HHIPL1: variants seen among roughly 807,000 people sequenced by gnomAD.
HHIPL1 encodes the protein HHIP-like protein 1.
A neutral mutation model predicts 61.8 loss-of-function variants in HHIPL1; 43 were observed. That is an observed-to-expected ratio of 0.70 (90% CI 0.55 to 0.90). The LOEUF (loss-of-function observed/expected upper bound fraction) is 0.90, where lower values mean the gene tolerates loss of function less well. Ranked by LOEUF, HHIPL1 falls within the 40% of genes least tolerant of loss-of-function variation. HHIPL1 has a pLI of 0.00. For synonymous variants in HHIPL1, 482 were observed against 515.8 expected (o/e 0.93, Z 0.89); for missense variants, 1,056 against 1,157.7 (o/e 0.91, Z 1.28).
At chr14:99,638,268 G>A in the HHIPL1 span, among the ~76,000 whole-genome samples, 9 of 152,198 alleles carry the variant, frequency 5.9e-5, no homozygotes, top group African/African-American at 1.7e-4. Flanking sequence ...TAAGAGTGGC[G>A]GAGGAGGCCT....
chr14:99,658,993 CCA>C lies in HHIPL1; in HGVS notation c.1047-432_1047-431del, dbSNP rs143136113. On this transcript the variant is annotated intron_variant, in intron 3 of 8. Transcript: ENST00000330710. ...TATTACAGTTGAGGACACCAAGATTCCACAGAGTGTGTGGTAAAGAGCTTGAG... is the reference window on the plus strand; with the variant it reads ...TATTACAGTTGAGGACACCAAGATTCCAGAGTGTGTGGTAAAGAGCTTGAG... 4.7e-3 allele frequency among the ~76,000 whole-genome samples: 717 copies of C among 152,292 alleles called. 5 individuals carry two copies. The highest frequency in any genetic ancestry group is 7.5e-3 in the Non-Finnish European group (509 of 68,034).
At chr14:99,606,609 C>T in the HHIPL1 span, among the ~76,000 whole-genome samples, 1 of 152,214 alleles carries the variant, frequency 6.6e-6, no homozygotes, top group Non-Finnish European at 1.5e-5. Context: ...TGGCAGCTTC[C>T]GCTGAACTTC....
chr14:99,669,843 C>T (rs2056306457), intron 7 of HHIPL1, among the ~76,000 whole-genome samples: 2 of 152,130 alleles, frequency 1.3e-5, no homozygotes, highest in Admixed American at 6.5e-5. Context: ...GAGGATCACT[C>T]GAACTCAGGA....
rs553013920 is a variant in HHIPL1 at position 99,667,588 on chromosome 14, A to T, written c.1649-634A>T. ...CAGGGGGCCAAGCAGAGGGGCTAGG[A>T]CCTACACTCCCAGCCATGTACTCTG... On this transcript the variant is annotated intron_variant, in intron 6 of 8. Transcript: ENST00000330710. Among the ~76,000 whole-genome samples the T allele has an allele frequency of 2.9e-3, 439 of 152,060 alleles. 4 individuals carry two copies. Among genetic ancestry groups the T allele is most frequent in the Non-Finnish European group, 3.3e-3 (225 of 67,954 alleles).
At chr14:99,631,906 C>G in the HHIPL1 span, among the ~76,000 whole-genome samples, 372 of 152,304 alleles carry the variant, frequency 2.4e-3, 2 homozygotes, top group African/African-American at 8.7e-3. Flanking sequence ...GGCTCTAAGC[C>G]CATGCCCCAG....
chr14:99,653,792 G>T (rs911479063), intron 2 of HHIPL1, among the ~76,000 whole-genome samples: 1 of 152,204 alleles, frequency 6.6e-6, no homozygotes, highest in South Asian at 2.1e-4. Context: ...GACCTTGCAC[G>T]TGGGGCACAT....
At chr14:99,617,221 A>G in the HHIPL1 span, among the ~76,000 whole-genome samples, 3 of 152,228 alleles carry the variant, frequency 2.0e-5, no homozygotes, top group Admixed American at 6.5e-5. Context: ...AAAACTGTAC[A>G]AGAAACCGTC....
the HHIPL1 span, among the ~76,000 whole-genome samples, chr14:99,608,529 T>G: frequency 2.6e-5 from 4 of 152,154 alleles, no homozygotes; most frequent in African/African-American, 7.2e-5. Context: ...ACCCAAGGAC[T>G]CTGGTATGGC....
At chr14:99,643,594 C>T (rs1253444903), upstream of HHIPL1, among the ~76,000 whole-genome samples, 5 of 152,146 alleles carry the variant, frequency 3.3e-5, no homozygotes, top group Non-Finnish European at 5.9e-5. Context: ...GTGACTATCA[C>T]CCAGTTCTGA....
At position 99,675,703 on chromosome 14, in the gene HHIPL1, C is replaced by G; in HGVS notation, c.*77C>G. The G allele has an allele frequency of 2.2e-6, 3 of 1,342,392 alleles. No individual in the cohort carries two copies. Among genetic ancestry groups the G allele is most frequent in the Admixed American group, 5.4e-5 (2 of 36,804 alleles). 83.2% of individuals were successfully genotyped at this position (1,342,392 alleles called of 1,614,324 possible). ...GCCGCTCCGCCCTGTGTGCGCCCAG[C>G]GGGTGCACACGTGTTCTAGAGTGAA... On this transcript the variant is annotated 3_prime_UTR_variant, in exon 9 of 9. Coordinates refer to ENST00000330710, the MANE Select transcript of HHIPL1 (RefSeq NM_001127258.3). This position sits in a 1 kb window ranked among gnomAD's most constrained non-coding sequence, Gnocchi z 5.4.
the HHIPL1 span, among the ~76,000 whole-genome samples, chr14:99,627,505 T>G: frequency 6.6e-6 from 1 of 152,220 alleles, no homozygotes; most frequent in African/African-American, 2.4e-5. The surrounding 1 kb of genome is among the most constrained non-coding windows in gnomAD (Gnocchi z 4.4). Context: ...GGTGCCACAT[T>G]CTGTGCCAGG....
upstream of HHIPL1, among the ~76,000 whole-genome samples, chr14:99,642,283 C>T (rs756701171): frequency 6.6e-5 from 10 of 152,058 alleles, no homozygotes; most frequent in Non-Finnish European, 1.2e-4. Flanking sequence ...CCATTTTTTT[C>T]CCCTTCTTCT....
In HHIPL1 at chr14:99,652,299, T is replaced by G. The variant is rs1343975825; in HGVS notation, c.331T>G (p.Cys111Gly). The G allele has an allele frequency of 6.2e-7, 1 of 1,613,976 alleles. No homozygotes were observed. Among genetic ancestry groups the G allele is most frequent in the African/African-American group, 1.3e-5 (1 of 74,940 alleles). The change falls in exon 2 of 9, where the codon TGC (cysteine) becomes GGC (glycine). Residue 111 changes from cysteine (C) to glycine (G), a missense_variant. Cys to Gly is a radical substitution (Grantham distance 159). Transcript: ENST00000330710. ...GCCCCTGCGCACGGTGCCCGGGCTC[T>G]GCCAGGATTACTGCCTGGACATGTG... Reference protein sequence around the residue: ...FTPLRTVPGLCQDYCLDMWHK... With the variant: ...FTPLRTVPGLGQDYCLDMWHK...
intron 1 of HHIPL1, among the ~76,000 whole-genome samples, chr14:99,646,764 A>G (rs1293342461): frequency 6.6e-6 from 1 of 150,862 alleles, no homozygotes; most frequent in East Asian, 1.9e-4. Flanking sequence ...ACAGAGCAAG[A>G]CTCCGTCTCA....
the HHIPL1 span, among the ~76,000 whole-genome samples, chr14:99,616,937 C>T: frequency 1.3e-5 from 2 of 152,056 alleles, no homozygotes; most frequent in East Asian, 1.9e-4. Flanking sequence ...TGTGCACCTT[C>T]TAGGAAGCTT....
intron 6 of HHIPL1, among the ~76,000 whole-genome samples, chr14:99,666,126 G>A (rs1475833226): frequency 3.3e-5 from 5 of 152,196 alleles, no homozygotes; most frequent in African/African-American, 2.4e-5. Flanking sequence ...AAGGTTGGGG[G>A]AGAGTTACAA....
chr14:99,656,836 AAAGGAAGGAAGG>A lies in HHIPL1; in HGVS notation c.903-115_903-104del, dbSNP rs1161567456. Reference sequence around the variant, plus strand: ...GAAAGAAAGAAAGAAAGAAAGAAAGAAAGGAAGGAAGGAAGGAAGGAAGGAAGGAAGGAAGGA... The same window carrying A: ...GAAAGAAAGAAAGAAAGAAAGAAAGAAAGGAAGGAAGGAAGGAAGGAAGGA... On this transcript the variant is annotated intron_variant, in intron 2 of 8. Transcript: ENST00000330710. Among the ~76,000 whole-genome samples, 3 of 7,094 alleles carry A rather than the reference AAAGGAAGGAAGG, an allele frequency of 4.2e-4. 1 individual carries two copies. Among genetic ancestry groups the A allele is most frequent in the African/African-American group, 7.1e-4 (3 of 4,240 alleles). The allele number at this position is 7,094 out of a possible 152,430, so 4.7% of individuals were successfully genotyped here. A position where few individuals can be genotyped will look rare whatever the true frequency, so the allele number is the denominator to read the frequency against.
In HHIPL1 at chr14:99,652,333, G is replaced by A. The variant is rs1027205478; in HGVS notation, c.365G>A (p.Cys122Tyr). The A allele has an allele frequency of 1.9e-6, 3 of 1,614,018 alleles. No homozygotes were observed. In the African/African-American group the frequency reaches 4.0e-5, roughly 22 times the overall value. The change falls in exon 2 of 9, where the codon TGC becomes TAC. Residue 122 changes from cysteine (C) to tyrosine (Y), a missense_variant. Coordinates refer to ENST00000330710, the MANE Select transcript of HHIPL1 (RefSeq NM_001127258.3). ...QDYCLDMWHK[C>Y]RGLFRHLSTD... Reference sequence around the variant, plus strand: ...TACTGCCTGGACATGTGGCATAAGTGCCGGGGGCTGTTCCGTCACCTGTCA... The same window carrying A: ...TACTGCCTGGACATGTGGCATAAGTACCGGGGGCTGTTCCGTCACCTGTCA...
the HHIPL1 span, chr14:99,625,302 T>G: frequency 2.0e-5 from 3 of 152,378 alleles, no homozygotes; most frequent in African/African-American, 7.2e-5. Context: ...GTCAAGGCAC[T>G]GGCCTAAGGT....
Sources: allele counts gnomAD v4.1 joint callset (sites outside exome capture counted in the v4.1 genomes callset), GRCh38; gene constraint gnomAD v4.1.1; non-coding constraint Gnocchi (gnomAD v3.1); transcripts MANE v1.5; gene names NCBI Gene and HGNC (gene_info 2026-07-23, HGNC 2026-07-21).